ASMTL: variants seen among roughly 807,000 people sequenced by gnomAD.
The protein encoded by ASMTL is acetylserotonin O-methyltransferase like, also known as probable bifunctional dTTP/UTP pyrophosphatase/methyltransferase protein.
ASMTL carries 57 observed loss-of-function variants against 60.3 expected under a neutral mutation model. The ratio of observed to expected loss-of-function variants is 0.95; its 90% CI spans 0.76 to 1.18. The LOEUF (loss-of-function observed/expected upper bound fraction) is 1.18, where lower values mean the gene tolerates loss of function less well. ASMTL is among the 50% of genes most tolerant of loss of function. The probability of loss-of-function intolerance (pLI) is 0.00; values close to 1 mark genes in which losing one functional copy is unlikely to be tolerated. For missense variants in ASMTL, 981 were observed against 852.6 expected, an observed-to-expected ratio of 1.15 and a Z score of -1.88; for synonymous variants, 419 against 373.0, an observed-to-expected ratio of 1.12 and a Z score of -1.42.
intron 6 of ASMTL, among the ~76,000 whole-genome samples, chrX:1,430,599 C>A (rs2090743382): frequency 1.3e-5 from 2 of 151,524 alleles, no homozygotes; most frequent in Admixed American, 1.3e-4. Flanking sequence ...AGTGAGACCC[C>A]ATTGCTACAA....
At chrX:1,417,837 G>A (rs1481173126) in intron 11 of ASMTL, 136 bp downstream of exon 11, 4 of 1,122,420 alleles carry the variant, frequency 3.6e-6, no homozygotes, top group Middle Eastern at 3.0e-4. Context: ...ACCGTAGACA[G>A]TCCCATTTGC....
chrX:1,421,055 G>C (rs2090472540), intron 9 of ASMTL, among the ~76,000 whole-genome samples: 1 of 151,572 alleles, frequency 6.6e-6, no homozygotes, highest in Non-Finnish European at 1.5e-5. Context: ...CACATCCCGG[G>C]TTCAAGTGAT....
intron 12 of ASMTL, among the ~76,000 whole-genome samples, chrX:1,404,542 G>T (rs1250633477): frequency 1.3e-5 from 2 of 149,950 alleles, no homozygotes; most frequent in East Asian, 4.1e-4. Flanking sequence ...GTAGGTAGAT[G>T]AATGGATGGA....
chrX:1,435,472 A>G (rs2090936399), intron 4 of ASMTL: 2 of 630,762 alleles, frequency 3.2e-6, no homozygotes, highest in East Asian at 5.5e-5. Context: ...TGCAGTGGGC[A>G]TGAGACATTC....
intron 3 of ASMTL, among the ~76,000 whole-genome samples, chrX:1,437,230 C>G (rs2090989247): frequency 1.3e-5 from 2 of 152,060 alleles, no homozygotes; most frequent in Non-Finnish European, 1.5e-5. Flanking sequence ...CTCTCCTAGG[C>G]TTGTAGACGC....
chrX:1,418,585 G>A (rs1174479443), intron 10 of ASMTL, among the ~76,000 whole-genome samples: 2 of 152,118 alleles, frequency 1.3e-5, no homozygotes, highest in Non-Finnish European at 2.9e-5. Flanking sequence ...GGAAATGTAA[G>A]CTGATGGTGT....
intron 6 of ASMTL, 85 bp from the exon 7 acceptor site, chrX:1,428,206 G>C (rs2090667685): frequency 6.7e-7 from 1 of 1,488,122 alleles, no homozygotes; most frequent in African/African-American, 1.4e-5. Flanking sequence ...GGCGGAGGTG[G>C]GTGGATCACG....
At chrX:1,448,811 G>C in intron 1 of ASMTL, among the ~76,000 whole-genome samples, 1 of 151,002 alleles carries the variant, frequency 6.6e-6, no homozygotes, top group South Asian at 2.1e-4. Flanking sequence ...CCACCATCTT[G>C]GACAAGCACT....
chrX:1,430,284 T>A (rs75001391), intron 6 of ASMTL, among the ~76,000 whole-genome samples: 16,577 of 152,082 alleles, frequency 0.11, 1,116 homozygotes, highest in Admixed American at 0.15. Context: ...AGTATTGGGA[T>A]GACAGGCGTG....
chrX:1,431,157 A>G (rs1328601260), intron 6 of ASMTL, among the ~76,000 whole-genome samples: 4 of 122,826 alleles, frequency 3.3e-5, no homozygotes, highest in Non-Finnish European at 6.2e-5. Context: ...ATTATATATA[A>G]TTTATATTTA....
chrX:1,420,742 C>G (rs1446569408), intron 9 of ASMTL, among the ~76,000 whole-genome samples: 1 of 152,236 alleles, frequency 6.6e-6, no homozygotes, highest in East Asian at 1.9e-4. Flanking sequence ...GTGTCAGTTC[C>G]ATTGAAGCAA....
At chrX:1,451,604 T>C (rs182438455) in intron 1 of ASMTL, among the ~76,000 whole-genome samples, 17 of 132,998 alleles carry the variant, frequency 1.3e-4, no homozygotes, top group African/African-American at 4.7e-4. Context: ...ACCCCATGCC[T>C]AGGGGTTTCG....
At chrX:1,424,712 A>C (rs1350655859) in intron 8 of ASMTL, among the ~76,000 whole-genome samples, 1 of 149,750 alleles carries the variant, frequency 6.7e-6, no homozygotes, top group Non-Finnish European at 1.5e-5. Flanking sequence ...TCATCCACCC[A>C]TCCATCCACA....
chrX:1,447,323 C>T (rs1294892282), intron 1 of ASMTL, among the ~76,000 whole-genome samples: 1 of 152,144 alleles, frequency 6.6e-6, no homozygotes, highest in Non-Finnish European at 1.5e-5. Context: ...CACACACCGC[C>T]ATCTTGGATA....
intron 8 of ASMTL, among the ~76,000 whole-genome samples, chrX:1,424,160 TCATC>T (rs1184212629): frequency 1.6e-5 from 2 of 123,326 alleles, no homozygotes; most frequent in African/African-American, 3.3e-5. Context: ...ATCCAATCAC[TCATC>T]CATCCATCCA....
intron 6 of ASMTL, among the ~76,000 whole-genome samples, chrX:1,431,403 CTATTT>C (rs1465589116): frequency 3.0e-5 from 4 of 134,126 alleles, no homozygotes; most frequent in Non-Finnish European, 6.1e-5. Flanking sequence ...ATTATATAAT[CTATTT>C]TAACAGTTAT....
intron 2 of ASMTL, among the ~76,000 whole-genome samples, chrX:1,440,672 G>T (rs1413992893): frequency 6.6e-6 from 1 of 152,020 alleles, no homozygotes; most frequent in African/African-American, 2.4e-5. Context: ...GGTGGCTCAC[G>T]CCTGTAATCC....
intron 9 of ASMTL, among the ~76,000 whole-genome samples, chrX:1,419,563 AGAG>A (rs1368541517): frequency 1.3e-5 from 2 of 151,706 alleles, no homozygotes; most frequent in African/African-American, 4.8e-5. Flanking sequence ...TCTGGTGTGC[AGAG>A]GAGAAGCTCC....
chrX:1,421,547 G>T, intron 9 of ASMTL, 111 bp downstream of exon 9: 1 of 1,203,638 alleles, frequency 8.3e-7, no homozygotes, highest in Non-Finnish European at 1.2e-6. Context: ...AAGCCTTTGG[G>T]ATCTGTCAGA....
Sources: allele counts gnomAD v4.1 joint callset (sites outside exome capture counted in the v4.1 genomes callset), GRCh38; gene constraint gnomAD v4.1.1; transcripts MANE v1.5; gene names NCBI Gene and HGNC (gene_info 2026-07-23, HGNC 2026-07-21).